Variants in FBXL4 observed in about 807,000 individuals in gnomAD.
The protein encoded by FBXL4 is F-box/LRR-repeat protein 4.
A neutral mutation model predicts 58.9 loss-of-function variants in FBXL4; 40 were observed. The ratio of observed to expected loss-of-function variants is 0.68; its 90% CI spans 0.53 to 0.88. The LOEUF is 0.88. Among genes scored for constraint, FBXL4 ranks in the 40% least tolerant of loss-of-function variants. FBXL4 has a pLI of 0.00. For missense variants in FBXL4, 676 were observed against 734.4 expected (o/e 0.92, Z 0.92); for synonymous variants, 263 against 265.5 (o/e 0.99, Z 0.09).
In FBXL4 at chr6:98,886,195, T is replaced by C. The variant is rs150815184; in HGVS notation, c.1318-5571A>G. Among the ~76,000 whole-genome samples the C allele has an allele frequency of 3.6e-3, 554 of 152,278 alleles. 5 individuals are homozygous for C. The highest frequency in any genetic ancestry group is 0.013 in the African/African-American group (529 of 41,544). On this transcript the variant is annotated intron_variant, in intron 7 of 9. Coordinates refer to ENST00000369244, the MANE Select transcript of FBXL4 (RefSeq NM_001278716.2). Reference sequence around the variant, plus strand: ...CACTAATTTTGAAGCAATTGATATATAGCAATAGATAAATAACAGAGTCAC... The same window carrying C: ...CACTAATTTTGAAGCAATTGATATACAGCAATAGATAAATAACAGAGTCAC...
Position 98,874,169 on chromosome 6 carries a change from C to A in FBXL4, c.*109G>T. Reference sequence around the variant, plus strand: ...ATTTCATATTTTTCTTTAAAATCTACAAATGTCTTAATTCTTACCATTAAA... The same window carrying A: ...ATTTCATATTTTTCTTTAAAATCTAAAAATGTCTTAATTCTTACCATTAAA... On this transcript the variant is annotated 3_prime_UTR_variant, in exon 10 of 10. Transcript: ENST00000369244. 1 of 777,348 alleles carries A rather than the reference C, an allele frequency of 1.3e-6. No homozygotes were observed. The highest frequency in any genetic ancestry group is 3.5e-5 in the Admixed American group (1 of 28,638). 48.2% of individuals were successfully genotyped at this position (777,348 alleles called of 1,614,324 possible).
intron 5 of FBXL4, among the ~76,000 whole-genome samples, chr6:98,906,830 C>A (rs1454470772): frequency 1.3e-5 from 2 of 152,168 alleles, no homozygotes; most frequent in African/African-American, 2.4e-5. Flanking sequence ...TCTCCAGCAT[C>A]TGTTGTTTCC....
At chr6:98,881,840 G>T in intron 7 of FBXL4, among the ~76,000 whole-genome samples, 1 of 151,678 alleles carries the variant, frequency 6.6e-6, no homozygotes, top group African/African-American at 2.4e-5. Context: ...GTTAACATTA[G>T]AAAGGGTATA....
intron 8 of FBXL4, among the ~76,000 whole-genome samples, chr6:98,879,399 G>T (rs1389893933): frequency 6.6e-6 from 1 of 152,138 alleles, no homozygotes; most frequent in African/African-American, 2.4e-5. Flanking sequence ...CTTCCAGTCA[G>T]TTACACTGGA....
At chr6:98,891,624 T>G (rs902614379) in intron 7 of FBXL4, among the ~76,000 whole-genome samples, 1 of 150,506 alleles carries the variant, frequency 6.6e-6, no homozygotes, top group Admixed American at 6.7e-5. Context: ...TGGTGGCTCA[T>G]GCATATAATC....
chr6:98,937,763 T>C (rs1773277442), intron 1 of FBXL4, among the ~76,000 whole-genome samples: 1 of 152,202 alleles, frequency 6.6e-6, no homozygotes, highest in Non-Finnish European at 1.5e-5. Context: ...CTTCCACCAT[T>C]TGCTTTAGTT....
At position 98,875,586 on chromosome 6, in the gene FBXL4, C is replaced by T. The variant is rs1770631804; in HGVS notation, c.1531G>A (p.Asp511Asn). 7 of 1,614,138 alleles carry T rather than the reference C, an allele frequency of 4.3e-6. No homozygotes were observed. In the East Asian group the frequency reaches 1.6e-4, roughly 36 times the overall value. Residue 511 changes from aspartate to asparagine, a missense_variant, in exon 9 of 10, where the codon GAC (aspartate) becomes AAC (asparagine). Asp to Asn is a conservative substitution (Grantham distance 23). Transcript: ENST00000369244. ...ASGCPLLEELDLGWCPTLQSS... is the reference protein window; with the variant it reads ...ASGCPLLEELNLGWCPTLQSS... ...TGCAGAGTTGGGCACCAGCCAAGGT[C>T]AAGCTCCTCCAGTAGTGGACACCCA...
chr6:98,875,317 G>T, intron 9 of FBXL4, 98 bp downstream of exon 9: 2 of 1,125,850 alleles, frequency 1.8e-6, no homozygotes, highest in Non-Finnish European at 2.6e-6. Flanking sequence ...AATTTTTATT[G>T]TATCCAAAAA....
At chr6:98,946,964 C>G (rs896652300) in intron 1 of FBXL4, among the ~76,000 whole-genome samples, 1 of 152,076 alleles carries the variant, frequency 6.6e-6, no homozygotes, top group African/African-American at 2.4e-5. Flanking sequence ...CTTAAGAAAC[C>G]AAGGAGTGCA....
At chr6:98,922,178 G>A (rs552762010) in intron 4 of FBXL4, among the ~76,000 whole-genome samples, 22 of 152,102 alleles carry the variant, frequency 1.4e-4, no homozygotes, top group East Asian at 1.9e-4. Flanking sequence ...CGCCCCCCTC[G>A]GCCTCCCAAA....
At chr6:98,896,175 T>C (rs998577644) in intron 7 of FBXL4, among the ~76,000 whole-genome samples, 3 of 152,310 alleles carry the variant, frequency 2.0e-5, no homozygotes, top group African/African-American at 2.4e-5. Flanking sequence ...TGCCAGTGAT[T>C]TTGTGGAACA....
intron 4 of FBXL4, among the ~76,000 whole-genome samples, chr6:98,924,023 A>T (rs1424905670): frequency 6.6e-6 from 1 of 152,200 alleles, no homozygotes; most frequent in African/African-American, 2.4e-5. Context: ...CAGTAAAGAA[A>T]ATTAGAGATA....
In FBXL4 at chr6:98,943,442, A is replaced by G. The variant is rs913538927; in HGVS notation, c.-309+4364T>C. Reference sequence around the variant, plus strand: ...ACAAAAATTAGCCAGGTATTGTGGCATGCACCTGCAGTCCAGGCTACTTGA... The same window carrying G: ...ACAAAAATTAGCCAGGTATTGTGGCGTGCACCTGCAGTCCAGGCTACTTGA... On this transcript the variant is annotated intron_variant, in intron 1 of 9. Transcript: ENST00000369244. 1.5e-3 allele frequency among the ~76,000 whole-genome samples: 223 copies of G among 151,850 alleles called. 1 individual carries two copies. Among genetic ancestry groups the G allele is most frequent in the African/African-American group, 5.2e-3 (214 of 41,418 alleles).
Position 98,899,170 on chromosome 6 carries a change from T to G in FBXL4, c.1317+98A>C, listed in dbSNP as rs577728616. The G allele has an allele frequency of 1.1e-5, 17 of 1,522,044 alleles. No individual in the cohort carries two copies. The African/African-American group carries it at 1.7e-4, about 15-fold the overall frequency. The allele number at this position is 1,522,044 out of a possible 1,614,324, so 94.3% of individuals were successfully genotyped here. On this transcript the variant is annotated intron_variant, in intron 7 of 9. Coordinates refer to ENST00000369244, the MANE Select transcript of FBXL4 (RefSeq NM_001278716.2). Reference sequence around the variant, plus strand: ...AGTCAGAAGGCATCATAAACTTGATTTAAAAATAAAAAACACATTATTATG... The same window carrying G: ...AGTCAGAAGGCATCATAAACTTGATGTAAAAATAAAAAACACATTATTATG...
Position 98,880,624 on chromosome 6 carries a change from G to C in FBXL4, c.1318C>G (p.Gln440Glu), listed in dbSNP as rs757401765. Reference sequence around the variant, plus strand: ...TTCAAAATGCTGAGCAGTGCTGTTTGCTGCCATTAGGGACCACATCAGAGG... The same window carrying C: ...TTCAAAATGCTGAGCAGTGCTGTTTCCTGCCATTAGGGACCACATCAGAGG... Reference protein sequence around the residue: ...RLVLYRTKVEQTALLSILNFC... With the variant: ...RLVLYRTKVEETALLSILNFC... Residue 440 changes from glutamine (Q) to glutamate (E), a missense_variant and splice_region_variant, in exon 8 of 10, where the codon CAA becomes GAA. Transcript: ENST00000369244. 3 of 1,613,498 alleles carry C rather than the reference G, an allele frequency of 1.9e-6. No individual in the cohort carries two copies. In the Admixed American group the frequency reaches 5.0e-5, roughly 27 times the overall value.
intron 6 of FBXL4, among the ~76,000 whole-genome samples, chr6:98,899,764 A>G (rs577618758): frequency 6.6e-6 from 1 of 152,318 alleles, no homozygotes; most frequent in South Asian, 2.1e-4. Flanking sequence ...TTTCCCACTT[A>G]CCTATAATTC....
chr6:98,895,145 A>C (rs959342817), intron 7 of FBXL4, among the ~76,000 whole-genome samples: 1 of 152,210 alleles, frequency 6.6e-6, no homozygotes, highest in Non-Finnish European at 1.5e-5. Flanking sequence ...TCTCCATTAC[A>C]GTATAAAATT....
chr6:98,903,384 T>C (rs1255143142), intron 6 of FBXL4, among the ~76,000 whole-genome samples: 2 of 152,154 alleles, frequency 1.3e-5, no homozygotes, highest in Non-Finnish European at 2.9e-5. Context: ...CTTTTTCTTT[T>C]CTTAATGGGA....
intron 6 of FBXL4, among the ~76,000 whole-genome samples, chr6:98,904,931 C>G (rs578139686): frequency 1.6e-3 from 251 of 152,216 alleles, no homozygotes; most frequent in Non-Finnish European, 3.0e-3. Context: ...CAAGTGTGGT[C>G]GTCTATTTAG....
Sources: allele counts gnomAD v4.1 joint callset (sites outside exome capture counted in the v4.1 genomes callset), GRCh38; gene constraint gnomAD v4.1.1; transcripts MANE v1.5; gene names NCBI Gene and HGNC (gene_info 2026-07-23, HGNC 2026-07-21).